The following ZNF700 variants were observed in gnomAD, a reference collection of about 807,000 sequenced individuals.
ZNF700 encodes zinc finger protein 700.
A neutral mutation model predicts 65.3 loss-of-function variants in ZNF700; 38 were observed. The observed-to-expected ratio is 0.58, with a 90% CI of 0.45 to 0.76. The LOEUF (loss-of-function observed/expected upper bound fraction) is 0.76, where lower values mean the gene tolerates loss of function less well. ZNF700 is among the 30% of genes least tolerant of loss of function. The probability of loss-of-function intolerance (pLI) is 0.00; values close to 1 mark genes in which losing one functional copy is unlikely to be tolerated. For missense variants in ZNF700, 857 were observed against 888.4 expected (o/e 0.96, Z 0.45); for synonymous variants, 285 against 290.4 (o/e 0.98, Z 0.19).
Position 11,931,988 on chromosome 19 carries a change from G to A in ZNF700, c.63+6715G>A, listed in dbSNP as rs542551929. On this transcript the variant is annotated intron_variant, in intron 1 of 3. Transcript: ENST00000254321. ...AAATTAGCCAGGCGTGGTGGCAGAG[G>A]CCTGTAATCTCAGCTACTCAGGAGG... Among the ~76,000 whole-genome samples, 19 of 147,768 alleles carry A rather than the reference G, an allele frequency of 1.3e-4. No homozygotes were observed. In the East Asian group the frequency reaches 3.7e-3, roughly 29 times the overall value.
In ZNF700 at chr19:11,947,553, A is replaced by G. The variant is rs760481964; in HGVS notation, c.230A>G (p.Gln77Arg). The change falls in exon 3 of 4, where the codon CAA (glutamine) becomes CGA (arginine). Residue 77 changes from glutamine (Q) to arginine (R), a missense_variant. Gln to Arg is a conservative substitution (Grantham distance 43). Around this residue, in one of 3 missense-constraint regions of ZNF700, gnomAD observed 603 missense variants for 619.9 expected, o/e 0.97. Transcript: ENST00000254321. ...GACCAGAACATTGAATATGAGTACCAAAACCCCAGAAGAAGCTTCAGGTAA... is the reference window on the plus strand; with the variant it reads ...GACCAGAACATTGAATATGAGTACCGAAACCCCAGAAGAAGCTTCAGGTAA... ...WSDQNIEYEY[Q>R]NPRRSFRSLI... 1.9e-6 allele frequency: 3 copies of G among 1,613,460 alleles called. No homozygotes were observed. The highest frequency in any genetic ancestry group is 4.5e-5 in the East Asian group (2 of 44,878).
Position 11,950,587 on chromosome 19 carries a change from G to A in ZNF700, c.*334G>A, listed in dbSNP as rs1973052382. 4.0e-6 allele frequency: 2 copies of A among 500,186 alleles called. No individual in the cohort carries two copies. Among genetic ancestry groups the A allele is most frequent in the Admixed American group, 2.7e-5 (1 of 36,550 alleles). 31.0% of individuals were successfully genotyped at this position (500,186 alleles called of 1,614,324 possible). A position where few individuals can be genotyped will look rare whatever the true frequency, so the allele number is the denominator to read the frequency against. On this transcript the variant is annotated 3_prime_UTR_variant, in exon 4 of 4. Transcript: ENST00000254321. ...TGTGCCTCGCACCTTCAACGGCATGGAAGGGTTCACACTTGGGAGAAACTC... is the reference window on the plus strand; with the variant it reads ...TGTGCCTCGCACCTTCAACGGCATGAAAGGGTTCACACTTGGGAGAAACTC...
chr19:11,950,025 A>G lies in ZNF700; in HGVS notation c.2001A>G (p.Glu667=). The G allele has an allele frequency of 6.2e-7, 1 of 1,613,548 alleles. No homozygotes were observed. The stretch of plus-strand genomic sequence containing the variant: ...AATTCTCTTCTTTTCAAATACATGA[A>G]AGGAAGCACAGAGGAGAGAAGCCCT... ...FCKFSSFQIH[E]RKHRGEKPYE... is the part of the protein sequence containing the mutation. The change falls in exon 4 of 4, where the codon GAA becomes GAG. Residue 667 remains glutamate (E), a synonymous_variant. Transcript: ENST00000254321.
intron 1 of ZNF700, among the ~76,000 whole-genome samples, chr19:11,932,628 A>G (rs1972730372): frequency 7.2e-6 from 1 of 138,202 alleles, no homozygotes; most frequent in Non-Finnish European, 1.5e-5. Flanking sequence ...ATGCAAACCA[A>G]TATGTGATTT....
chr19:11,944,605 C>T (rs954773830), intron 1 of ZNF700, among the ~76,000 whole-genome samples: 5 of 152,316 alleles, frequency 3.3e-5, no homozygotes, highest in East Asian at 3.9e-4. Context: ...TCTCAGTTCG[C>T]GTTGGATAAG....
chr19:11,949,700 C>T lies in ZNF700; in HGVS notation c.1676C>T (p.Thr559Ile). Residue 559 changes from threonine (T) to isoleucine (I), a missense_variant, in exon 4 of 4, where the codon ACT becomes ATT. By Grantham distance (89) the Thr-to-Ile change is moderately conservative. Around this residue, in one of 3 missense-constraint regions of ZNF700, gnomAD observed 251 missense variants for 250.3 expected, o/e 1.00. Transcript: ENST00000254321. Reference sequence around the variant, plus strand: ...CTTCGATATCATGAAAGGACTCACACTGGAGAGAAACCCTATGAGTGTAAG... The same window carrying T: ...CTTCGATATCATGAAAGGACTCACATTGGAGAGAAACCCTATGAGTGTAAG... ...NSLRYHERTH[T>I]GEKPYECKQC... The T allele has an allele frequency of 6.2e-7, 1 of 1,613,988 alleles. No homozygotes were observed. Among genetic ancestry groups the T allele is most frequent in the South Asian group, 1.1e-5 (1 of 91,074 alleles).
At chr19:11,927,770 A>C (rs2145270496) in intron 1 of ZNF700, among the ~76,000 whole-genome samples, 1 of 152,334 alleles carries the variant, frequency 6.6e-6, no homozygotes, top group East Asian at 1.9e-4. Context: ...GTGGGAGTGT[A>C]AGGATACTTG....
chr19:11,928,751 A>G (rs977897036), intron 1 of ZNF700, among the ~76,000 whole-genome samples: 3 of 139,548 alleles, frequency 2.1e-5, no homozygotes, highest in South Asian at 2.1e-4. Flanking sequence ...AAAAAAAAAA[A>G]GAAAGTAGTC....
At chr19:11,934,662 G>A (rs1263119667) in intron 1 of ZNF700, among the ~76,000 whole-genome samples, 1 of 147,366 alleles carries the variant, frequency 6.8e-6, no homozygotes, top group Non-Finnish European at 1.5e-5. Context: ...GAGTGTCTGG[G>A]ATTACAGGCG....
At chr19:11,927,466 A>C (rs1401841001) in intron 1 of ZNF700, among the ~76,000 whole-genome samples, 2 of 151,600 alleles carry the variant, frequency 1.3e-5, no homozygotes, top group Non-Finnish European at 2.9e-5. Context: ...AAATAAATAG[A>C]AAAGGAAAAA....
chr19:11,925,434 G>C (rs1425571022), intron 1 of ZNF700, among the ~76,000 whole-genome samples, 161 bp downstream of exon 1: 1 of 152,174 alleles, frequency 6.6e-6, no homozygotes, highest in Non-Finnish European at 1.5e-5. Flanking sequence ...GCCGCTGGAC[G>C]GGGCTGGGCC....
chr19:11,945,114 A>G (rs1195188287), intron 1 of ZNF700, among the ~76,000 whole-genome samples: 1 of 152,224 alleles, frequency 6.6e-6, no homozygotes, highest in East Asian at 1.9e-4. Context: ...GACACAGTGT[A>G]AAAGGCTTTG....
At chr19:11,946,665 T>A (rs1447132105) in intron 1 of ZNF700, 1 of 152,378 alleles carries the variant, frequency 6.6e-6, no homozygotes, top group African/African-American at 2.4e-5. Flanking sequence ...CCTCTAATGC[T>A]GGCCAGTCTG....
At position 11,949,280 on chromosome 19, in the gene ZNF700, A is replaced by T. The variant is rs753973665; in HGVS notation, c.1256A>T (p.Glu419Val). 5 of 1,614,130 alleles carry T rather than the reference A, an allele frequency of 3.1e-6. No individual in the cohort carries two copies. Among genetic ancestry groups the T allele is most frequent in the Non-Finnish European group, 4.2e-6 (5 of 1,180,012 alleles). ...ATTCACACTGGAGAGAAACCCTATG[A>T]GTGTAAGCAGTGTGGGAAAGCCTTC... ...ERIHTGEKPY[E>V]CKQCGKAFRS... The change falls in exon 4 of 4, where the codon GAG (glutamate) becomes GTG (valine). Residue 419 changes from glutamate to valine, a missense_variant. Around this residue, in one of 3 missense-constraint regions of ZNF700, gnomAD observed 603 missense variants for 619.9 expected, o/e 0.97. Coordinates refer to ENST00000254321, the MANE Select transcript of ZNF700 (RefSeq NM_144566.3).
chr19:11,938,371 C>G (rs1972829650), intron 1 of ZNF700, among the ~76,000 whole-genome samples: 2 of 152,142 alleles, frequency 1.3e-5, no homozygotes, highest in African/African-American at 4.8e-5. Flanking sequence ...TCTCCTTATG[C>G]TATCCCTCTC....
intron 1 of ZNF700, among the ~76,000 whole-genome samples, chr19:11,934,300 C>T (rs562136723): frequency 6.8e-5 from 10 of 147,768 alleles, no homozygotes; most frequent in African/African-American, 2.7e-4. Flanking sequence ...TCATTTGGGT[C>T]AATATTGTAG....
rs1973003562 is a variant in ZNF700 at position 11,948,699 on chromosome 19, A to G, written c.675A>G (p.Lys225=). 2 of 1,612,338 alleles carry G rather than the reference A, an allele frequency of 1.2e-6. No homozygotes were observed. The highest frequency in any genetic ancestry group is 1.7e-6 in the Non-Finnish European group (2 of 1,179,622). The part of the protein sequence containing the change: ...MHSGDGTYKC[K]FCGKAFHSFS... ...GTGGGGATGGAACTTATAAATGTAAATTTTGTGGGAAAGCCTTCCATTCTT... is the reference window on the plus strand; with the variant it reads ...GTGGGGATGGAACTTATAAATGTAAGTTTTGTGGGAAAGCCTTCCATTCTT... The change falls in exon 4 of 4, where the codon AAA becomes AAG. Residue 225 remains lysine, a synonymous_variant. Coordinates refer to ENST00000254321, the MANE Select transcript of ZNF700 (RefSeq NM_144566.3).
chr19:11,934,599 T>C (rs1466645764), intron 1 of ZNF700, among the ~76,000 whole-genome samples: 1 of 147,538 alleles, frequency 6.8e-6, no homozygotes. Context: ...CAATCTCAGC[T>C]CACTGCAGCC....
chr19:11,939,874 A>G (rs910674021), intron 1 of ZNF700: 1 of 152,252 alleles, frequency 6.6e-6, no homozygotes, highest in African/African-American at 2.4e-5. Flanking sequence ...AAGTTCTGTA[A>G]GATGAATTCT....
Sources: allele counts gnomAD v4.1 joint callset (sites outside exome capture counted in the v4.1 genomes callset), GRCh38; gene constraint gnomAD v4.1.1; regional missense constraint gnomAD v4.1.1; transcripts MANE v1.5; gene names NCBI Gene and HGNC (gene_info 2026-07-23, HGNC 2026-07-21).